Variants in KCNAB2 observed in about 807,000 individuals in gnomAD.
KCNAB2 encodes the protein potassium voltage-gated channel subfamily A regulatory beta subunit 2, also known as voltage-gated potassium channel subunit beta-2.
KCNAB2 carries 29 observed loss-of-function variants against 63.6 expected under a neutral mutation model. That is an observed-to-expected ratio of 0.46 (90% CI 0.34 to 0.62). The LOEUF (loss-of-function observed/expected upper bound fraction) is 0.62. Among genes scored for constraint, KCNAB2 ranks in the 20% least tolerant of loss-of-function variants. The probability of loss-of-function intolerance (pLI) is 0.01; values close to 1 mark genes in which losing one functional copy is unlikely to be tolerated. For synonymous variants in KCNAB2, 222 were observed against 224.2 expected, an observed-to-expected ratio of 0.99 and a Z score of 0.09; for missense variants, 359 against 563.9, an observed-to-expected ratio of 0.64 and a Z score of 3.68.
chr1:6,011,780 A>G (rs1474006827), intron 1 of KCNAB2, among the ~76,000 whole-genome samples: 1 of 151,828 alleles, frequency 6.6e-6, no homozygotes, highest in Admixed American at 6.6e-5. Context: ...GCGTGGATGG[A>G]GCCAACACCT....
At position 6,046,123 on chromosome 1, in the gene KCNAB2, G is replaced by T; in HGVS notation, c.-87G>T. 2.0e-6 allele frequency: 2 copies of T among 985,430 alleles called. No individual in the cohort carries two copies. Among genetic ancestry groups the T allele is most frequent in the Non-Finnish European group, 1.2e-6 (1 of 829,928 alleles). The allele number at this position is 985,430 out of a possible 1,614,324, so 61.0% of individuals were successfully genotyped here. On this transcript the variant is annotated 5_prime_UTR_variant, in exon 1 of 16. Transcript: ENST00000378083. ...GCTGTGCCAGATCCTTAGAGTGTCTGGTGATCCCTAATAAACCAGACTGTG... is the reference window on the plus strand; with the variant it reads ...GCTGTGCCAGATCCTTAGAGTGTCTTGTGATCCCTAATAAACCAGACTGTG...
In KCNAB2 at chr1:6,099,846, A is replaced by G. The variant is rs1181247969; in HGVS notation, c.*1272A>G. 1 of 1,546,110 alleles carries G rather than the reference A, an allele frequency of 6.5e-7. No individual in the cohort carries two copies. Among genetic ancestry groups the G allele is most frequent in the Non-Finnish European group, 8.7e-7 (1 of 1,144,692 alleles). On this transcript the variant is annotated 3_prime_UTR_variant, in exon 16 of 16. Transcript: ENST00000378083. ...GGGCAGAGGGGAGAGAGGGCAGGAC[A>G]GGCCAGAGTGACGCCCCCGTGCAGC...
rs770104556 is a variant in KCNAB2, at chr1:6,095,534, G to C, written c.858G>C (p.Val286=). The part of the protein sequence containing the change: ...QLPELFHKIG[V]GAMTWSPLAC... ...CCACCTGCTTTTCCTCTTCAGGAGT[G>C]GGCGCCATGACCTGGTCCCCTCTGG... Residue 286 remains valine, a synonymous_variant, in exon 13 of 16, where the codon GTG becomes GTC. Transcript: ENST00000378083. 1 of 1,612,474 alleles carries C rather than the reference G, an allele frequency of 6.2e-7. No homozygotes were observed. The highest frequency in any genetic ancestry group is 1.7e-5 in the Admixed American group (1 of 59,986).
chr1:6,099,762 C>T lies in KCNAB2; in HGVS notation c.*1188C>T. 1 of 1,462,894 alleles carries T rather than the reference C, an allele frequency of 6.8e-7. No homozygotes were observed. Among genetic ancestry groups the T allele is most frequent in the Non-Finnish European group, 9.0e-7 (1 of 1,106,160 alleles). The allele number at this position is 1,462,894 out of a possible 1,614,324, so 90.6% of individuals were successfully genotyped here. A position where few individuals can be genotyped will look rare whatever the true frequency, so the allele number is the denominator to read the frequency against. On this transcript the variant is annotated 3_prime_UTR_variant, in exon 16 of 16. Coordinates refer to ENST00000378083, the MANE Select transcript of KCNAB2 (RefSeq NM_001199862.2). ...AGGAAAAGACCTCAGGGAACCTCTC[C>T]CTGGAAAGACGGGCAGGGCTGGTTA...
At chr1:6,015,237 C>CCAG (rs1658426556) in intron 1 of KCNAB2, among the ~76,000 whole-genome samples, 1 of 151,964 alleles carries the variant, frequency 6.6e-6, no homozygotes, top group Non-Finnish European at 1.5e-5. Flanking sequence ...ATCATGTTGG[C>CCAG]CAGGCTGATT....
intron 2 of KCNAB2, among the ~76,000 whole-genome samples, chr1:6,057,071 C>G (rs1053404327): frequency 1.3e-5 from 2 of 151,096 alleles, no homozygotes; most frequent in African/African-American, 4.9e-5. Context: ...TGGTCTTGGT[C>G]TTAATCTACT....
At chr1:6,089,089 T>C in intron 8 of KCNAB2, 38 bp downstream of exon 8, 1 of 1,542,290 alleles carries the variant, frequency 6.5e-7, no homozygotes, top group South Asian at 1.2e-5. Flanking sequence ...CCCCCATACC[T>C]GTGGGATCAT....
chr1:6,023,071 G>A (rs1446596291), intron 1 of KCNAB2, among the ~76,000 whole-genome samples: 2 of 151,884 alleles, frequency 1.3e-5, no homozygotes, highest in African/African-American at 4.8e-5. Context: ...TAGTAGAGAC[G>A]GGGTTTCGCC....
intron 4 of KCNAB2, among the ~76,000 whole-genome samples, chr1:6,077,854 C>T (rs1410298812): frequency 1.3e-5 from 2 of 152,238 alleles, no homozygotes; most frequent in Non-Finnish European, 1.5e-5. Context: ...GCAGGCAAGA[C>T]ACCGTCTCCA....
Position 6,068,030 on chromosome 1 carries a change from C to CA in KCNAB2, c.219-4717dup, listed in dbSNP as rs569655748. Among the ~76,000 whole-genome samples the CA allele has an allele frequency of 1.2e-3, 176 of 151,782 alleles. 1 individual carries two copies. Among genetic ancestry groups the CA allele is most frequent in the Middle Eastern group, 0.01 (3 of 292 alleles). On this transcript the variant is annotated intron_variant, in intron 2 of 15. Transcript: ENST00000378083. The stretch of plus-strand genomic sequence containing the variant: ...TGGGTGACAGAATGAGAGCCTGTCT[C>CA]AAAAAAAATAAAGCTAGGAGTAAAC...
intron 2 of KCNAB2, among the ~76,000 whole-genome samples, chr1:6,070,827 T>C (rs1663126350): frequency 6.6e-6 from 1 of 152,102 alleles, no homozygotes; most frequent in African/African-American, 2.4e-5. Flanking sequence ...GTACCAGGAT[T>C]TGGGCTCTGG....
intron 1 of KCNAB2, among the ~76,000 whole-genome samples, chr1:6,005,544 C>A (rs528500672): frequency 6.0e-4 from 90 of 150,372 alleles, no homozygotes; most frequent in African/African-American, 2.0e-3. Context: ...GACTGAGGGT[C>A]CCCCCTACCC....
At chr1:6,009,655 C>T (rs1314273848) in intron 1 of KCNAB2, among the ~76,000 whole-genome samples, 6 of 152,224 alleles carry the variant, frequency 3.9e-5, no homozygotes, top group Admixed American at 3.9e-4. Flanking sequence ...AATTCGCTTT[C>T]TGCCCTGCGG....
Position 6,091,022 on chromosome 1 carries a change from G to A in KCNAB2, c.602-241G>A, listed in dbSNP as rs143821690. 1.4e-3 allele frequency among the ~76,000 whole-genome samples: 213 copies of A among 152,310 alleles called. 2 individuals are homozygous for A. The highest frequency in any genetic ancestry group is 0.011 in the South Asian group (55 of 4,832). On this transcript the variant is annotated intron_variant, in intron 9 of 15. Coordinates refer to ENST00000378083, the MANE Select transcript of KCNAB2 (RefSeq NM_001199862.2). ...GCTCCCCCATCCTCCTGCTACAGGC[G>A]TCTTTCCATGTGTGCTTTGCTGCTG...
At chr1:6,054,023 GC>G (rs1233129289) in intron 2 of KCNAB2, among the ~76,000 whole-genome samples, 2 of 149,392 alleles carry the variant, frequency 1.3e-5, no homozygotes, top group African/African-American at 5.0e-5. Flanking sequence ...AGCCTGGGCG[GC>G]AGAGTGAGAC....
upstream of KCNAB2, among the ~76,000 whole-genome samples, chr1:6,045,005 CAT>C (rs554591113): frequency 9.2e-5 from 14 of 152,308 alleles, no homozygotes; most frequent in Admixed American, 3.9e-4. This position sits in a 1 kb window ranked among gnomAD's most constrained non-coding sequence, Gnocchi z 4.8. Context: ...ACCAGGGCGA[CAT>C]GTGGGGATCT....
chr1:6,052,329 G>A (rs1570964487), intron 2 of KCNAB2, among the ~76,000 whole-genome samples: 2 of 152,182 alleles, frequency 1.3e-5, no homozygotes, highest in East Asian at 3.9e-4. Flanking sequence ...GGAGGCTGAG[G>A]TGGGAGGATT....
chr1:6,004,946 TG>T (rs199859113), intron 1 of KCNAB2, among the ~76,000 whole-genome samples: 2,290 of 116,094 alleles, frequency 0.02, 66 homozygotes, highest in Non-Finnish European at 0.029. Context: ...GAGGGTGGAG[TG>T]GGGGGATGTG....
In KCNAB2 at chr1:6,024,222, G is replaced by A. The variant is rs768175039; in HGVS notation, c.-52-16295G>A. Among the ~76,000 whole-genome samples, 7 of 152,088 alleles carry A rather than the reference G, an allele frequency of 4.6e-5. No homozygotes were observed. Among genetic ancestry groups the A allele is most frequent in the Admixed American group, 6.5e-5 (1 of 15,270 alleles). On this transcript the variant is annotated intron_variant, in intron 1 of 16. Transcript: ENST00000341524. This position sits in a 1 kb window ranked among gnomAD's most constrained non-coding sequence, Gnocchi z 5.4. ...CTCCCAAAGTTCTGGGATTACAGGC[G>A]TGAGACACCATGCCCAGCTGCCAGG...
Sources: allele counts gnomAD v4.1 joint callset (sites outside exome capture counted in the v4.1 genomes callset), GRCh38; gene constraint gnomAD v4.1.1; non-coding constraint Gnocchi (gnomAD v3.1); transcripts MANE v1.5; gene names NCBI Gene and HGNC (gene_info 2026-07-23, HGNC 2026-07-21).